Variants in ZRANB3 observed in about 807,000 individuals in gnomAD.
The protein encoded by ZRANB3 is zinc finger RANBP2-type containing 3, also known as DNA annealing helicase and endonuclease ZRANB3.
In ZRANB3, 125 loss-of-function variants were observed where a neutral mutation model predicts 133.8. The observed-to-expected ratio is 0.93, with a 90% CI of 0.81 to 1.08. The LOEUF (loss-of-function observed/expected upper bound fraction) is 1.08. Ranked by LOEUF, ZRANB3 falls within the 50% of genes least tolerant of loss-of-function variation. The pLI, the probability that ZRANB3 is intolerant of heterozygous loss-of-function variation, is 0.00. For synonymous variants in ZRANB3, 387 were observed against 432.7 expected, an observed-to-expected ratio of 0.89 and a Z score of 1.31; for missense variants, 1,229 against 1,275.5, an observed-to-expected ratio of 0.96 and a Z score of 0.56.
intron 3 of ZRANB3, among the ~76,000 whole-genome samples, chr2:135,381,568 T>C (rs1218933807): frequency 6.6e-6 from 1 of 152,174 alleles, no homozygotes. Flanking sequence ...CCCTGACCCC[T>C]GAGTAGCCTA....
At chr2:135,365,382 T>C (rs573869041) in intron 3 of ZRANB3, among the ~76,000 whole-genome samples, 2 of 152,338 alleles carry the variant, frequency 1.3e-5, no homozygotes, top group Admixed American at 6.5e-5. Context: ...TGAAAGGGTA[T>C]CTAATTTGCA....
chr2:135,212,780 C>T (rs895408481), intron 17 of ZRANB3, among the ~76,000 whole-genome samples: 3 of 152,130 alleles, frequency 2.0e-5, no homozygotes, highest in African/African-American at 4.8e-5. Flanking sequence ...GAAAAGTGTA[C>T]GTTGCAAAGT....
intron 6 of ZRANB3, among the ~76,000 whole-genome samples, chr2:135,339,665 T>C (rs1334291798): frequency 6.6e-6 from 1 of 152,252 alleles, no homozygotes; most frequent in Non-Finnish European, 1.5e-5. Flanking sequence ...GCTCATGATA[T>C]ACTGTTTTGT....
chr2:135,351,848 T>C (rs1251382697), intron 4 of ZRANB3, among the ~76,000 whole-genome samples: 1 of 152,198 alleles, frequency 6.6e-6, no homozygotes, highest in Non-Finnish European at 1.5e-5. Flanking sequence ...TTAACTAACA[T>C]CCTCCAGGAA....
chr2:135,285,228 C>A (rs1681298015), intron 8 of ZRANB3, among the ~76,000 whole-genome samples: 1 of 152,182 alleles, frequency 6.6e-6, no homozygotes, highest in Non-Finnish European at 1.5e-5. Context: ...AAAAACCTTA[C>A]AACACTCAAG....
At chr2:135,404,598 G>C (rs932735762) in intron 2 of ZRANB3, among the ~76,000 whole-genome samples, 3 of 152,112 alleles carry the variant, frequency 2.0e-5, no homozygotes, top group Non-Finnish European at 2.9e-5. Context: ...GAAATACAGA[G>C]AATGCTACAA....
intron 2 of ZRANB3, among the ~76,000 whole-genome samples, chr2:135,475,577 GC>G (rs1264691749): frequency 6.6e-6 from 1 of 152,158 alleles, no homozygotes; most frequent in Non-Finnish European, 1.5e-5. Flanking sequence ...GCCAGCTTTG[GC>G]TAAAGCTCAT....
Position 135,338,777 on chromosome 2 carries a change from T to G in ZRANB3, c.677+6773A>C, listed in dbSNP as rs538335333. Reference sequence around the variant, plus strand: ...TATTTACTAAACACGCAATTTCAATTTTGCATACATGTGCATATGTGTGTA... The same window carrying G: ...TATTTACTAAACACGCAATTTCAATGTTGCATACATGTGCATATGTGTGTA... On this transcript the variant is annotated intron_variant, in intron 6 of 20. Coordinates refer to ENST00000264159, the MANE Select transcript of ZRANB3 (RefSeq NM_032143.4). Among the ~76,000 whole-genome samples the G allele has an allele frequency of 2.6e-5, 4 of 152,334 alleles. No individual in the cohort carries two copies. In the South Asian group the frequency reaches 8.3e-4, roughly 32 times the overall value.
chr2:135,402,273 C>T (rs74265470), intron 2 of ZRANB3, among the ~76,000 whole-genome samples: 15,053 of 150,702 alleles, frequency 0.1, 982 homozygotes, highest in South Asian at 0.29. Context: ...TGCATATACA[C>T]GTGTTAGTTC....
chr2:135,336,294 A>T (rs1053261360), intron 6 of ZRANB3, among the ~76,000 whole-genome samples: 2 of 152,240 alleles, frequency 1.3e-5, no homozygotes. Flanking sequence ...AAGCAAAATT[A>T]TATTTTTGCT....
intron 17 of ZRANB3, among the ~76,000 whole-genome samples, chr2:135,212,879 C>G (rs919831091): frequency 2.0e-5 from 3 of 152,162 alleles, no homozygotes; most frequent in African/African-American, 7.2e-5. Flanking sequence ...AATTGGCATC[C>G]TAAACATGAC....
At chr2:135,414,600 G>A (rs1316631515) in intron 2 of ZRANB3, among the ~76,000 whole-genome samples, 1 of 152,038 alleles carries the variant, frequency 6.6e-6, no homozygotes, top group Non-Finnish European at 1.5e-5. Flanking sequence ...TGCACCAAGT[G>A]GACCTAATAG....
Position 135,350,208 on chromosome 2 carries a change from A to G in ZRANB3, c.367T>C (p.Ser123Pro). 6.3e-7 allele frequency: 1 copy of G among 1,580,990 alleles called. No homozygotes were observed. The highest frequency in any genetic ancestry group is 8.6e-7 in the Non-Finnish European group (1 of 1,161,690). ...CCCAGAACTGTCACTTTACTGGTCG[A>G]CATTCTCCTAGAAAAGAAAATCCAT... The part of the protein sequence containing the change: ...IQNKTDVRRM[S>P]TSKVTVLGYG... Residue 123 changes from serine to proline, a missense_variant, in exon 5 of 21, where the codon TCG becomes CCG. Coordinates refer to ENST00000264159, the MANE Select transcript of ZRANB3 (RefSeq NM_032143.4).
chr2:135,402,122 T>C (rs946427930), intron 2 of ZRANB3, among the ~76,000 whole-genome samples: 13 of 151,880 alleles, frequency 8.6e-5, no homozygotes, highest in Non-Finnish European at 1.9e-4. Context: ...AATACAAAAA[T>C]TTTAAGTAAA....
intron 6 of ZRANB3, among the ~76,000 whole-genome samples, chr2:135,340,369 G>A (rs1400314233): frequency 6.6e-6 from 1 of 152,040 alleles, no homozygotes. Flanking sequence ...GCCTCTCAAA[G>A]TGCTAGGATT....
At chr2:135,364,226 T>C (rs894838427) in intron 3 of ZRANB3, among the ~76,000 whole-genome samples, 1 of 152,130 alleles carries the variant, frequency 6.6e-6, no homozygotes, top group Non-Finnish European at 1.5e-5. Flanking sequence ...ACTATAATGA[T>C]TAAACTTTGG....
intron 9 of ZRANB3, among the ~76,000 whole-genome samples, chr2:135,273,539 AT>A (rs577736500): frequency 1.0e-3 from 149 of 144,680 alleles, no homozygotes; most frequent in East Asian, 1.4e-3. Context: ...GAATATCTAC[AT>A]TTTTTTTTTT....
At chr2:135,435,436 T>C (rs756143514) in intron 2 of ZRANB3, among the ~76,000 whole-genome samples, 4 of 152,258 alleles carry the variant, frequency 2.6e-5, no homozygotes, top group Non-Finnish European at 4.4e-5. Context: ...TTACTGTGAA[T>C]AGTGCTACAT....
chr2:135,269,010 A>G lies in ZRANB3; in HGVS notation c.1338T>C (p.Ile446=), dbSNP rs1473510915. Residue 446 remains isoleucine (I), a synonymous_variant, in exon 11 of 21, where the codon ATT becomes ATC. Transcript: ENST00000264159. ...TAAGGGTGTCTAGGGTTCCATTTGC[A>G]ATAAGGTAGTGAATATTCACAGAAC... ...QCSSVNIHYL[I]ANGTLDTLMW... 1 of 1,610,446 alleles carries G rather than the reference A, an allele frequency of 6.2e-7. No homozygotes were observed. Among genetic ancestry groups the G allele is most frequent in the African/African-American group, 1.3e-5 (1 of 74,680 alleles).
Sources: gnomAD v4.1 joint callset for allele counts (sites outside exome capture counted in the v4.1 genomes callset) on GRCh38, gnomAD v4.1.1 for gene constraint, MANE v1.5 for transcripts, NCBI Gene and HGNC (gene_info 2026-07-23, HGNC 2026-07-21) for gene names.